Variants in MB observed in about 807,000 individuals in gnomAD.
MB encodes myoglobin.
A neutral mutation model predicts 14.5 loss-of-function variants in MB; 10 were observed. That is an observed-to-expected ratio of 0.69 (90% CI 0.43 to 1.17). The LOEUF (loss-of-function observed/expected upper bound fraction) is 1.17, where lower values mean the gene tolerates loss of function less well. Ranked by LOEUF, MB falls within the 50% of genes most tolerant of loss-of-function variation. The pLI is 0.00. For synonymous variants in MB, 89 were observed against 78.6 expected, an observed-to-expected ratio of 1.13 and a Z score of -0.70; for missense variants, 169 against 192.7, an observed-to-expected ratio of 0.88 and a Z score of 0.73.
chr22:35,611,884 G>A (rs1244373311), intron 1 of MB, among the ~76,000 whole-genome samples: 1 of 152,022 alleles, frequency 6.6e-6, no homozygotes, highest in Non-Finnish European at 1.5e-5. Context: ...AGTCCTTCCT[G>A]CCCACCTCCA....
At chr22:35,616,957 G>A (rs1923120136) in intron 1 of MB, 1 of 556,192 alleles carries the variant, frequency 1.8e-6, no homozygotes. Context: ...TCCTCCAGCT[G>A]CTGACATCAG....
rs373040140 is a variant in MB, at chr22:35,608,283, A to G, written c.319-840T>C. On this transcript the variant is annotated intron_variant, in intron 2 of 2. Coordinates refer to ENST00000397326, the MANE Select transcript of MB (RefSeq NM_005368.3). The surrounding 1 kb of genome is among the most constrained non-coding windows in gnomAD (Gnocchi z 4.3). ...CACAGCCCTGGCTGGTGCACCAAGG[A>G]GTGTCGTTTTACAGAGGAGAAAATC... 7.9e-5 allele frequency among the ~76,000 whole-genome samples: 12 copies of G among 152,278 alleles called. No homozygotes were observed. Among genetic ancestry groups the G allele is most frequent in the African/African-American group, 2.9e-4 (12 of 41,556 alleles).
chr22:35,618,088 C>G (rs1254973175), upstream of MB, among the ~76,000 whole-genome samples: 1 of 152,178 alleles, frequency 6.6e-6, no homozygotes, highest in African/African-American at 2.4e-5. Context: ...TTGCTGGGTG[C>G]CAGGCCCTGT....
rs893684911 is a variant in MB at position 35,608,817 on chromosome 22, C to T, written c.319-1374G>A. Among the ~76,000 whole-genome samples the T allele has an allele frequency of 4.6e-5, 7 of 152,290 alleles. No homozygotes were observed. Among genetic ancestry groups the T allele is most frequent in the East Asian group, 3.9e-4 (2 of 5,182 alleles). ...CACTCATATCTAGAAAACAGTGGAA[C>T]GGAGCCACTGCATAATTGAGAAATG... On this transcript the variant is annotated intron_variant, in intron 2 of 2. Transcript: ENST00000397326. The surrounding 1 kb of genome is among the most constrained non-coding windows in gnomAD (Gnocchi z 4.3).
chr22:35,619,273 G>T (rs890772318), upstream of MB, among the ~76,000 whole-genome samples: 5 of 152,230 alleles, frequency 3.3e-5, no homozygotes, highest in African/African-American at 1.2e-4. Flanking sequence ...CCTTCCATCT[G>T]CATAAGACTA....
chr22:35,619,774 G>A (rs934867028), upstream of MB, among the ~76,000 whole-genome samples: 1 of 152,228 alleles, frequency 6.6e-6, no homozygotes, highest in Non-Finnish European at 1.5e-5. Flanking sequence ...AACGCCCTCT[G>A]TGTGGGTCTC....
Position 35,606,961 on chromosome 22 carries a change from A to C in MB, c.*336T>G. ...CAATTGCTACTGTCAGGTGTAGTTA[A>C]TGGCTTGGATTTGGGGTTACAGCCA... On this transcript the variant is annotated 3_prime_UTR_variant, in exon 3 of 3. Transcript: ENST00000397326. 4.6e-6 allele frequency: 1 copy of C among 219,368 alleles called. No individual in the cohort carries two copies. Among genetic ancestry groups the C allele is most frequent in the Non-Finnish European group, 9.0e-6 (1 of 110,822 alleles). The allele number at this position is 219,368 out of a possible 1,614,324, so 13.6% of individuals were successfully genotyped here.
At position 35,611,145 on chromosome 22, in the gene MB, G is replaced by C. The variant is rs767761288; in HGVS notation, c.96-39C>G. 3 of 1,471,702 alleles carry C rather than the reference G, an allele frequency of 2.0e-6. No homozygotes were observed. In the South Asian group the frequency reaches 3.4e-5, roughly 17 times the overall value. The allele number at this position is 1,471,702 out of a possible 1,614,324, so 91.2% of individuals were successfully genotyped here. On this transcript the variant is annotated intron_variant, in intron 1 of 2. Transcript: ENST00000397326. The stretch of plus-strand genomic sequence containing the variant: ...GAAGGCTGGAGTCGGCATGGGAGGT[G>C]CGGTGTGAGGTCTGGGGGCAGCCAG...
chr22:35,623,315 T>G (rs1923579107), exon 1 of MB: 1 of 152,340 alleles, frequency 6.6e-6, no homozygotes, highest in Non-Finnish European at 1.5e-5. Flanking sequence ...CTCTCTCACC[T>G]GCTCTACAGT....
chr22:35,617,738 T>C (rs1923189782), upstream of MB, among the ~76,000 whole-genome samples: 1 of 152,192 alleles, frequency 6.6e-6, no homozygotes, highest in Non-Finnish European at 1.5e-5. Context: ...AGGACAGTCC[T>C]GGCCATTCGC....
chr22:35,613,503 A>C (rs1922810437), intron 1 of MB, among the ~76,000 whole-genome samples: 1 of 152,036 alleles, frequency 6.6e-6, no homozygotes, highest in African/African-American at 2.4e-5. Flanking sequence ...TTACTTTATT[A>C]ATATTTTTTT....
At chr22:35,621,267 G>A (rs2145928561), upstream of MB, among the ~76,000 whole-genome samples, 1 of 152,230 alleles carries the variant, frequency 6.6e-6, no homozygotes, top group East Asian at 1.9e-4. Flanking sequence ...ATACCCAGTG[G>A]GGCAAAACTG....
In MB at chr22:35,611,704, T is replaced by C. The variant is rs1479665535; in HGVS notation, c.96-598A>G. On this transcript the variant is annotated intron_variant, in intron 1 of 2. Transcript: ENST00000397326. Reference sequence around the variant, plus strand: ...GACGAAGGGTCCTGGTGGGAGCAACTCAACCCAGCCCTGAGACAGGCACCC... The same window carrying C: ...GACGAAGGGTCCTGGTGGGAGCAACCCAACCCAGCCCTGAGACAGGCACCC... Among the ~76,000 whole-genome samples, 8 of 152,206 alleles carry C rather than the reference T, an allele frequency of 5.3e-5. No homozygotes were observed. In the East Asian group the frequency reaches 1.5e-3, roughly 29 times the overall value.
At chr22:35,611,134 G>A in intron 1 of MB, 28 bp from the exon 2 acceptor site, 1 of 1,556,518 alleles carries the variant, frequency 6.4e-7, no homozygotes, top group South Asian at 1.1e-5. Context: ...GCTGGAGTCG[G>A]CATGGGAGGT....
upstream of MB, among the ~76,000 whole-genome samples, chr22:35,620,057 C>T (rs562768155): frequency 1.4e-4 from 21 of 152,206 alleles, no homozygotes; most frequent in Non-Finnish European, 2.5e-4. Context: ...CATGGGGGGC[C>T]GGGCGTGGTG....
rs754860561 is a variant in MB at position 35,607,371 on chromosome 22, C to T, written c.391G>A (p.Ala131Thr). The change falls in exon 3 of 3, where the codon GCC (alanine) becomes ACC (threonine). Residue 131 changes from alanine (A) to threonine (T), a missense_variant. Physicochemically the swap from Ala to Thr is moderately conservative, Grantham distance 58. Transcript: ENST00000397326. ...PGDFGADAQGAMNKALELFRK... is the reference protein window; with the variant it reads ...PGDFGADAQGTMNKALELFRK... Reference sequence around the variant, plus strand: ...AACAGCTCCAGGGCCTTGTTCATGGCCCCCTGGGCATCAGCACCAAAGTCC... The same window carrying T: ...AACAGCTCCAGGGCCTTGTTCATGGTCCCCTGGGCATCAGCACCAAAGTCC... The T allele has an allele frequency of 1.9e-6, 3 of 1,614,114 alleles. No individual in the cohort carries two copies. Among genetic ancestry groups the T allele is most frequent in the South Asian group, 1.1e-5 (1 of 91,074 alleles).
rs145228972 is a variant in MB, at chr22:35,610,899, G to C, written c.303C>G (p.Pro101=). The part of the protein sequence containing the change: ...AQSHATKHKI[P]VKYLEFISEC... ...CTGCTCCTACCTCCAGGTACTTCACGGGGATCTTGTGCTTGGTGGCATGCG... is the reference window on the plus strand; with the variant it reads ...CTGCTCCTACCTCCAGGTACTTCACCGGGATCTTGTGCTTGGTGGCATGCG... The change falls in exon 2 of 3, where the codon CCC becomes CCG. Residue 101 remains proline, a synonymous_variant. Transcript: ENST00000397326. 9 of 1,613,850 alleles carry C rather than the reference G, an allele frequency of 5.6e-6. No individual in the cohort carries two copies. The highest frequency in any genetic ancestry group is 2.2e-5 in the East Asian group (1 of 44,860).
chr22:35,607,309 G>T lies in MB; in HGVS notation c.453C>A (p.Gly151=), dbSNP rs1373761579. ...GAGCGGCAGGGGCCTAGCCCTGGAA[G>T]CCCAGCTCCTTGTAGTTGGAGGCCA... is the stretch of plus-strand genomic sequence containing the variant. ...KDMASNYKEL[G]FQG Residue 151 remains glycine, a synonymous_variant, in exon 3 of 3, where the codon GGC becomes GGA. Transcript: ENST00000397326. The T allele has an allele frequency of 1.2e-6, 2 of 1,613,384 alleles. No individual in the cohort carries two copies. The highest frequency in any genetic ancestry group is 1.7e-4 in the Middle Eastern group (1 of 6,056).
intron 1 of MB, among the ~76,000 whole-genome samples, chr22:35,615,346 C>A (rs770358582): frequency 8.5e-5 from 13 of 152,206 alleles, no homozygotes; most frequent in Non-Finnish European, 1.6e-4. Context: ...CTGCATGTCC[C>A]ACAACCTAAG....
Sources: allele counts gnomAD v4.1 joint callset (sites outside exome capture counted in the v4.1 genomes callset), GRCh38; gene constraint gnomAD v4.1.1; non-coding constraint Gnocchi (gnomAD v3.1); transcripts MANE v1.5; gene names NCBI Gene and HGNC (gene_info 2026-07-23, HGNC 2026-07-21).